FAT3: variants seen among roughly 807,000 people sequenced by gnomAD.
FAT3 encodes the protein FAT atypical cadherin 3.
FAT3 carries 95 observed loss-of-function variants against 310.2 expected under a neutral mutation model. The ratio of observed to expected loss-of-function variants is 0.31; its 90% CI spans 0.26 to 0.36. The LOEUF (loss-of-function observed/expected upper bound fraction) is 0.36, where lower values mean the gene tolerates loss of function less well. Ranked by LOEUF, FAT3 falls within the 10% of genes least tolerant of loss-of-function variation. The pLI, the probability that FAT3 is intolerant of heterozygous loss-of-function variation, is 1.00. For missense variants in FAT3, 5,408 were observed against 5,715.6 expected, an observed-to-expected ratio of 0.95 and a Z score of 1.74; for synonymous variants, 2,314 against 2,192.9, an observed-to-expected ratio of 1.06 and a Z score of -1.54.
intron 3 of FAT3, among the ~76,000 whole-genome samples, chr11:92,607,802 A>G (rs188898713): frequency 6.6e-6 from 1 of 152,294 alleles, no homozygotes; most frequent in African/African-American, 2.4e-5. Flanking sequence ...TAAAACGGAA[A>G]AGGCAACACT....
intron 20 of FAT3, 77 bp from the exon 21 acceptor site, chr11:92,859,088 T>G (rs1051111142): frequency 2.1e-6 from 3 of 1,409,158 alleles, no homozygotes; most frequent in African/African-American, 2.8e-5. Context: ...GGTTGGTGGT[T>G]GTTGGGTGAT....
At chr11:92,756,193 G>T (rs1280712302) in intron 4 of FAT3, among the ~76,000 whole-genome samples, 1 of 152,198 alleles carries the variant, frequency 6.6e-6, no homozygotes, top group East Asian at 1.9e-4. Context: ...CTGAAACTCT[G>T]CAGATAATAC....
intron 21 of FAT3, among the ~76,000 whole-genome samples, chr11:92,862,091 A>T (rs1949133186): frequency 1.3e-5 from 2 of 152,218 alleles, no homozygotes; most frequent in Admixed American, 1.3e-4. Flanking sequence ...TAAGCATCCA[A>T]ATGCAATAAA....
chr11:92,283,669 T>A (rs771979413), intron 1 of FAT3, among the ~76,000 whole-genome samples: 2 of 152,184 alleles, frequency 1.3e-5, no homozygotes, highest in African/African-American at 2.4e-5. Flanking sequence ...CCCTTCTCAG[T>A]GAGACTGGAA....
intron 4 of FAT3, among the ~76,000 whole-genome samples, chr11:92,747,513 C>T (rs1282576468): frequency 6.6e-6 from 1 of 152,224 alleles, no homozygotes; most frequent in African/African-American, 2.4e-5. Flanking sequence ...CTGACATGCC[C>T]TTAGAGGCGT....
In FAT3 at chr11:92,315,512, TAGAGAGAG is replaced by T. The variant is rs374021850; in HGVS notation, c.-17-36548_-17-36541del. ...ATATATATATATATATATATATATATAGAGAGAGAGAGAGAGAGAGAGAGAGAGAGAGA... is the reference window on the plus strand; with the variant it reads ...ATATATATATATATATATATATATATAGAGAGAGAGAGAGAGAGAGAGAGA... On this transcript the variant is annotated intron_variant, in intron 1 of 27. Transcript: ENST00000525166. Among the ~76,000 whole-genome samples, 253 of 56,106 alleles carry T rather than the reference TAGAGAGAG, an allele frequency of 4.5e-3. 4 individuals carry two copies. The highest frequency in any genetic ancestry group is 4.5e-3 in the Non-Finnish European group (135 of 30,022). 36.8% of individuals were successfully genotyped at this position (56,106 alleles called of 152,430 possible). A position where few individuals can be genotyped will look rare whatever the true frequency, so the allele number is the denominator to read the frequency against.
chr11:92,257,717 G>C (rs541636217), intron 1 of FAT3, among the ~76,000 whole-genome samples: 1 of 152,040 alleles, frequency 6.6e-6, no homozygotes, highest in East Asian at 1.9e-4. Context: ...TACATAACTC[G>C]ATTTGTCCCT....
intron 4 of FAT3, among the ~76,000 whole-genome samples, chr11:92,709,173 G>A (rs779895783): frequency 2.2e-4 from 33 of 152,192 alleles, no homozygotes; most frequent in African/African-American, 3.9e-4. Context: ...GCTTTCTCCC[G>A]GAATCATAAC....
At chr11:92,481,260 T>C (rs1265544262) in intron 2 of FAT3, among the ~76,000 whole-genome samples, 2 of 152,156 alleles carry the variant, frequency 1.3e-5, no homozygotes, top group African/African-American at 4.8e-5. Flanking sequence ...ATATTTAAAT[T>C]ATATATAATT....
At chr11:92,616,710 G>T (rs1406641158) in intron 3 of FAT3, among the ~76,000 whole-genome samples, 2 of 152,140 alleles carry the variant, frequency 1.3e-5, no homozygotes, top group African/African-American at 4.8e-5. Flanking sequence ...TTTCTGTAAA[G>T]GATTTTATTT....
At chr11:92,294,535 T>G (rs1407554033) in intron 1 of FAT3, among the ~76,000 whole-genome samples, 1 of 151,992 alleles carries the variant, frequency 6.6e-6, no homozygotes, top group Non-Finnish European at 1.5e-5. Flanking sequence ...AGAGAAGGTA[T>G]CCATTGGGAA....
At chr11:92,320,765 G>A (rs138070383) in intron 1 of FAT3, among the ~76,000 whole-genome samples, 3,691 of 151,958 alleles carry the variant, frequency 0.024, 59 homozygotes, top group Non-Finnish European at 0.038. Flanking sequence ...AGGTACTTGA[G>A]AGGCTGAGGC....
At chr11:92,814,528 TG>T (rs1317505753) in intron 13 of FAT3, among the ~76,000 whole-genome samples, 3 of 152,204 alleles carry the variant, frequency 2.0e-5, no homozygotes, top group African/African-American at 7.2e-5. Flanking sequence ...TTAGTTTTCC[TG>T]TCAATTGGAA....
chr11:92,749,926 G>A lies in FAT3; in HGVS notation c.3670-11930G>A, dbSNP rs146416072. Among the ~76,000 whole-genome samples, 78 of 152,252 alleles carry A rather than the reference G, an allele frequency of 5.1e-4. 1 individual carries two copies. In the East Asian group the frequency reaches 5.4e-3, roughly 11 times the overall value. ...TATTATTAGTAATTTATCACAGGGC[G>A]TCCTAACATTTTACCCATTAGGATA... On this transcript the variant is annotated intron_variant, in intron 4 of 27. Transcript: ENST00000525166.
chr11:92,412,750 T>TAC (rs1565296542), intron 2 of FAT3, among the ~76,000 whole-genome samples: 6 of 66,966 alleles, frequency 9.0e-5, no homozygotes, highest in African/African-American at 1.6e-4. Flanking sequence ...TATATAAATA[T>TAC]ACATACATAT....
intron 3 of FAT3, among the ~76,000 whole-genome samples, chr11:92,534,862 A>C (rs113724900): frequency 6.6e-6 from 1 of 152,314 alleles, no homozygotes; most frequent in Non-Finnish European, 1.5e-5. Flanking sequence ...AGAAATGAAA[A>C]CCCAAAGCCA....
At chr11:92,727,131 T>C (rs769602225) in intron 4 of FAT3, among the ~76,000 whole-genome samples, 2 of 152,218 alleles carry the variant, frequency 1.3e-5, no homozygotes, top group African/African-American at 4.8e-5. Flanking sequence ...TTTTGGTAAA[T>C]TTAGCACATT....
At chr11:92,730,686 C>T (rs957841088) in intron 4 of FAT3, among the ~76,000 whole-genome samples, 10 of 152,150 alleles carry the variant, frequency 6.6e-5, no homozygotes, top group African/African-American at 7.2e-5. Flanking sequence ...ATGTGGGATT[C>T]CTAGAAGTTT....
intron 3 of FAT3, among the ~76,000 whole-genome samples, chr11:92,657,863 T>G (rs561303444): frequency 6.6e-6 from 1 of 152,308 alleles, no homozygotes; most frequent in Non-Finnish European, 1.5e-5. Context: ...TCCTAGCACA[T>G]TTTTAGTGGT....
Sources: gnomAD v4.1 joint callset for allele counts (sites outside exome capture counted in the v4.1 genomes callset) on GRCh38, gnomAD v4.1.1 for gene constraint, MANE v1.5 for transcripts, NCBI Gene and HGNC (gene_info 2026-07-23, HGNC 2026-07-21) for gene names.